Variants in IGFL2 observed in about 807,000 individuals in gnomAD.
IGFL2 encodes the protein IGF like family member 2.
IGFL2 carries 7 observed loss-of-function variants against 13.9 expected under a neutral mutation model. The observed-to-expected ratio is 0.51, with a 90% confidence interval of 0.29 to 0.95. IGFL2 has a LOEUF of 0.95. Ranked by LOEUF, IGFL2 falls within the 40% of genes least tolerant of loss-of-function variation. The pLI is 0.08. For synonymous variants in IGFL2, 55 were observed against 55.8 expected (o/e 0.99, Z 0.07); for missense variants, 138 against 147.8 (o/e 0.93, Z 0.34).
the IGFL2 span, among the ~76,000 whole-genome samples, chr19:46,122,915 A>G: frequency 1.3e-5 from 2 of 150,806 alleles, no homozygotes; most frequent in Non-Finnish European, 2.9e-5. Flanking sequence ...GGGTTTGTTT[A>G]GCTCACTATC....
chr19:46,209,454 G>A, the IGFL2 span: 8 of 152,178 alleles, frequency 5.3e-5, no homozygotes, highest in Non-Finnish European at 1.5e-5. Context: ...CCATGTCCAG[G>A]GCTGCAGGAG....
upstream of IGFL2, among the ~76,000 whole-genome samples, chr19:46,146,560 C>T (rs946893308): frequency 6.6e-6 from 1 of 152,106 alleles, no homozygotes; most frequent in Non-Finnish European, 1.5e-5. Flanking sequence ...TGGCATCTTA[C>T]CTAAATTACA....
At chr19:46,168,182 G>T in the IGFL2 span, among the ~76,000 whole-genome samples, 1 of 152,234 alleles carries the variant, frequency 6.6e-6, no homozygotes, top group East Asian at 1.9e-4. Flanking sequence ...TGATTCTCTT[G>T]CCTGGGCCTC....
At chr19:46,120,779 T>C in the IGFL2 span, among the ~76,000 whole-genome samples, 1 of 150,858 alleles carries the variant, frequency 6.6e-6, no homozygotes, top group Non-Finnish European at 1.5e-5. Context: ...TAAAAAAATG[T>C]ATATTTCAAA....
At chr19:46,192,479 G>A in the IGFL2 span, among the ~76,000 whole-genome samples, 1 of 151,370 alleles carries the variant, frequency 6.6e-6, no homozygotes, top group African/African-American at 2.4e-5. Context: ...GAGTGCAGTG[G>A]CATGATCTCA....
the IGFL2 span, among the ~76,000 whole-genome samples, chr19:46,172,254 A>G: frequency 7.9e-5 from 12 of 152,216 alleles, no homozygotes; most frequent in Admixed American, 5.9e-4. Context: ...TAGTTACTAC[A>G]CAATCGGCAG....
At chr19:46,081,337 C>G in the IGFL2 span, among the ~76,000 whole-genome samples, 14 of 152,234 alleles carry the variant, frequency 9.2e-5, no homozygotes, top group African/African-American at 2.2e-4. Context: ...GTGAATTTGT[C>G]TTTTTCACTC....
chr19:46,114,197 G>A, the IGFL2 span, among the ~76,000 whole-genome samples: 1 of 152,140 alleles, frequency 6.6e-6, no homozygotes, highest in Non-Finnish European at 1.5e-5. Context: ...TAACTTAGGA[G>A]CAACGTAGGA....
chr19:46,079,606 C>G, the IGFL2 span, among the ~76,000 whole-genome samples: 1 of 152,176 alleles, frequency 6.6e-6, no homozygotes, highest in Non-Finnish European at 1.5e-5. Context: ...AACGCCTGTA[C>G]GTCGCCTGTA....
chr19:46,079,183 G>A, the IGFL2 span, among the ~76,000 whole-genome samples: 25 of 152,386 alleles, frequency 1.6e-4, no homozygotes, highest in African/African-American at 6.0e-4. Flanking sequence ...CCATGTTTTC[G>A]TCGCAGTAAC....
At chr19:46,123,035 C>T in the IGFL2 span, among the ~76,000 whole-genome samples, 1 of 150,962 alleles carries the variant, frequency 6.6e-6, no homozygotes, top group Non-Finnish European at 1.5e-5. Context: ...ATGACCTCAA[C>T]TTGAAACATT....
chr19:46,208,030 C>T, the IGFL2 span: 3 of 152,192 alleles, frequency 2.0e-5, no homozygotes, highest in East Asian at 5.8e-4. Context: ...CTACACTGAG[C>T]GTGGTGAACA....
chr19:46,209,179 T>C, the IGFL2 span: 1 of 152,242 alleles, frequency 6.6e-6, no homozygotes, highest in Non-Finnish European at 1.5e-5. Flanking sequence ...AGTAAGTGCA[T>C]AGTGTGTGCT....
At position 46,161,244 on chromosome 19, in the gene IGFL2, T is replaced by C. The variant is rs1600950132; in HGVS notation, c.*156T>C. ...TGGGAGACTGATGGGACATGGAGAA[T>C]GACAGTAGATTATCAGGAAATAAAT... is the stretch of plus-strand genomic sequence containing the variant. On this transcript the variant is annotated 3_prime_UTR_variant, in exon 4 of 4. Transcript: ENST00000377693. 3 of 606,752 alleles carry C rather than the reference T, an allele frequency of 4.9e-6. No homozygotes were observed. The East Asian group carries it at 8.3e-5, about 17-fold the overall frequency. The allele number at this position is 606,752 out of a possible 1,614,324, so 37.6% of individuals were successfully genotyped here.
At chr19:46,186,804 G>A in the IGFL2 span, among the ~76,000 whole-genome samples, 1 of 152,276 alleles carries the variant, frequency 6.6e-6, no homozygotes, top group African/African-American at 2.4e-5. Context: ...ACTGAAGTCC[G>A]CTGCTACGTG....
downstream of IGFL2, chr19:46,164,238 CA>C (rs1430927766): frequency 3.3e-5 from 5 of 150,434 alleles, no homozygotes; most frequent in Non-Finnish European, 7.4e-5. Flanking sequence ...AGAACACAAA[CA>C]GGGGTGACTG....
chr19:46,201,960 T>C, the IGFL2 span, among the ~76,000 whole-genome samples: 1 of 151,688 alleles, frequency 6.6e-6, no homozygotes, highest in Non-Finnish European at 1.5e-5. Flanking sequence ...GCTGGACCGG[T>C]TGTGAGTGGG....
chr19:46,118,318 G>A, the IGFL2 span, among the ~76,000 whole-genome samples: 1 of 152,124 alleles, frequency 6.6e-6, no homozygotes, highest in East Asian at 1.9e-4. Context: ...CAAACAAATG[G>A]TCTAGGAGAG....
chr19:46,091,675 T>G, the IGFL2 span, among the ~76,000 whole-genome samples: 1 of 152,190 alleles, frequency 6.6e-6, no homozygotes, highest in Non-Finnish European at 1.5e-5. Flanking sequence ...GTCCTAATGT[T>G]TCTGATTTCT....
Sources: allele counts gnomAD v4.1 joint callset (sites outside exome capture counted in the v4.1 genomes callset), GRCh38; gene constraint gnomAD v4.1.1; transcripts MANE v1.5; gene names NCBI Gene and HGNC (gene_info 2026-07-23, HGNC 2026-07-21).